RGSL1: variants seen among roughly 807,000 people sequenced by gnomAD.
RGSL1 encodes the protein regulator of G protein signaling like 1, also known as regulator of G protein signaling protein-like.
Under a neutral mutation model 124.7 loss-of-function variants are expected in RGSL1, and 97 were observed. That is an observed-to-expected ratio of 0.78 (90% CI 0.66 to 0.92). The LOEUF is 0.92. RGSL1 is among the 40% of genes least tolerant of loss of function. The pLI is 0.00. For synonymous variants in RGSL1, 424 were observed against 438.1 expected (o/e 0.97, Z 0.40); for missense variants, 1,233 against 1,288.4 (o/e 0.96, Z 0.66).
chr1:182,511,921 C>T (rs942484761), intron 9 of RGSL1, among the ~76,000 whole-genome samples: 3 of 151,948 alleles, frequency 2.0e-5, no homozygotes, highest in Non-Finnish European at 4.4e-5. Flanking sequence ...CTTTCATCAG[C>T]GTTTTGTAAT....
chr1:182,526,845 C>G (rs1658786243), intron 10 of RGSL1, among the ~76,000 whole-genome samples: 1 of 152,058 alleles, frequency 6.6e-6, no homozygotes, highest in Non-Finnish European at 1.5e-5. Flanking sequence ...CTATCTCATT[C>G]TGATAAAGGG....
intron 15 of RGSL1, among the ~76,000 whole-genome samples, chr1:182,546,122 T>C (rs1199472255): frequency 9.2e-5 from 14 of 152,166 alleles, no homozygotes; most frequent in African/African-American, 3.4e-4. Flanking sequence ...TTTACTTTTT[T>C]CTCCTCTGTC....
At chr1:182,484,941 G>A (rs1339098386) in intron 6 of RGSL1, among the ~76,000 whole-genome samples, 2 of 152,092 alleles carry the variant, frequency 1.3e-5, no homozygotes, top group Non-Finnish European at 2.9e-5. Flanking sequence ...GCTTGCCCCT[G>A]GAGCAAGACA....
rs938083574 is a variant in RGSL1 at position 182,540,339 on chromosome 1, G to A, written c.2587G>A (p.Val863Ile). ...ADQENGEITL[V>I]KRRIFGHRII... ...CCAAGAGAATGGAGAAATAACCCTT[G>A]TAAAGCGTCGTATATTTGGCCACAG... Residue 863 changes from valine (V) to isoleucine (I), a missense_variant, in exon 15 of 22, where the codon GTA becomes ATA. By Grantham distance (29) the Val-to-Ile change is conservative. Transcript: ENST00000294854. 14 of 1,551,386 alleles carry A rather than the reference G, an allele frequency of 9.0e-6. No homozygotes were observed. The Admixed American group carries it at 2.5e-4, about 28-fold the overall frequency.
intron 6 of RGSL1, among the ~76,000 whole-genome samples, chr1:182,484,390 C>T (rs1654934520): frequency 6.6e-6 from 1 of 152,126 alleles, no homozygotes; most frequent in Admixed American, 6.6e-5. Context: ...TATGTGACCG[C>T]TCTTCTGGGA....
chr1:182,546,693 C>G (rs1052545451), intron 15 of RGSL1, among the ~76,000 whole-genome samples: 1 of 152,212 alleles, frequency 6.6e-6, no homozygotes, highest in Non-Finnish European at 1.5e-5. Context: ...ACCCAGCCAA[C>G]AACACTTTTT....
intron 2 of RGSL1, among the ~76,000 whole-genome samples, chr1:182,456,931 G>C (rs1052510131): frequency 6.6e-6 from 1 of 152,158 alleles, no homozygotes; most frequent in Non-Finnish European, 1.5e-5. Flanking sequence ...CAGATCACTT[G>C]AGGTCAAGAG....
In RGSL1 at chr1:182,524,167, G is replaced by A. The variant is rs116834979; in HGVS notation, c.1931+2058G>A. Among the ~76,000 whole-genome samples the A allele has an allele frequency of 5.7e-3, 873 of 152,324 alleles. 8 individuals carry two copies. Among genetic ancestry groups the A allele is most frequent in the African/African-American group, 0.02 (844 of 41,574 alleles). Reference sequence around the variant, plus strand: ...AATAATTAGAAAAAGGTATTGGGTAGATTATTAAGGAATTCGCATTGATTA... The same window carrying A: ...AATAATTAGAAAAAGGTATTGGGTAAATTATTAAGGAATTCGCATTGATTA... On this transcript the variant is annotated intron_variant, in intron 10 of 21. Transcript: ENST00000294854.
chr1:182,513,925 G>A (rs952072091), intron 9 of RGSL1, among the ~76,000 whole-genome samples: 11 of 138,670 alleles, frequency 7.9e-5, no homozygotes, highest in Admixed American at 4.6e-4. Context: ...AGACAGTCTC[G>A]CTCTGTTGCT....
At chr1:182,480,465 T>G (rs1303711434) in intron 6 of RGSL1, among the ~76,000 whole-genome samples, 3 of 151,942 alleles carry the variant, frequency 2.0e-5, no homozygotes, top group East Asian at 3.9e-4. Flanking sequence ...TACAAGTTTT[T>G]TTTTTTTTTT....
intron 9 of RGSL1, among the ~76,000 whole-genome samples, chr1:182,494,461 T>A (rs902938059): frequency 6.6e-6 from 1 of 152,204 alleles, no homozygotes; most frequent in Non-Finnish European, 1.5e-5. Context: ...ATAAAACACA[T>A]TGTTAAAATT....
chr1:182,506,983 C>T lies in RGSL1; in HGVS notation c.1825+13854C>T, dbSNP rs201062954. ...TGCTATATTCACCCTGCTCACCTTT[C>T]TTTTTTTTTTTTTTTTTTTTTTTGT... On this transcript the variant is annotated intron_variant, in intron 9 of 21. Coordinates refer to ENST00000294854, the MANE Select transcript of RGSL1 (RefSeq NM_001137669.2). Among the ~76,000 whole-genome samples the T allele has an allele frequency of 3.8e-4, 38 of 99,400 alleles. No homozygotes were observed. In the East Asian group the frequency reaches 8.2e-3, roughly 21 times the overall value. 65.2% of individuals were successfully genotyped at this position (99,400 alleles called of 152,430 possible).
intron 14 of RGSL1, among the ~76,000 whole-genome samples, chr1:182,533,474 T>C (rs371378696): frequency 2.0e-5 from 3 of 151,624 alleles, no homozygotes; most frequent in East Asian, 1.9e-4. Context: ...AGGCAAGCAG[T>C]TTGCCAGGTG....
chr1:182,460,440 G>A (rs1306282548), intron 4 of RGSL1, among the ~76,000 whole-genome samples: 1 of 152,172 alleles, frequency 6.6e-6, no homozygotes. Flanking sequence ...TTATCTCACT[G>A]TAGCCAGAAA....
rs745700032 is a variant in RGSL1, at chr1:182,556,063, C to G, written c.*6C>G. 1 of 1,551,210 alleles carries G rather than the reference C, an allele frequency of 6.4e-7. No individual in the cohort carries two copies. The highest frequency in any genetic ancestry group is 8.7e-7 in the Non-Finnish European group (1 of 1,146,564). On this transcript the variant is annotated 3_prime_UTR_variant, in exon 21 of 22. Transcript: ENST00000294854. ...ACATCAAAAAAGAGAAGTAATCAAG[C>G]GAGACCCCCAGCAGAGATAAATCAT...
At chr1:182,521,214 T>G (rs1658309181) in intron 9 of RGSL1, among the ~76,000 whole-genome samples, 1 of 152,092 alleles carries the variant, frequency 6.6e-6, no homozygotes, top group Non-Finnish European at 1.5e-5. Flanking sequence ...GGACCACAGG[T>G]GCATACTACC....
At chr1:182,470,660 G>A (rs1223852650) in intron 4 of RGSL1, among the ~76,000 whole-genome samples, 2 of 151,858 alleles carry the variant, frequency 1.3e-5, no homozygotes, top group African/African-American at 4.8e-5. Flanking sequence ...TATGCTTATT[G>A]TGTGCCTGTC....
At chr1:182,483,768 G>A (rs537307236) in intron 6 of RGSL1, among the ~76,000 whole-genome samples, 1 of 152,246 alleles carries the variant, frequency 6.6e-6, no homozygotes, top group African/African-American at 2.4e-5. Context: ...TTCACTTTAT[G>A]TGGAATGGTT....
chr1:182,460,176 G>C (rs1290567635), intron 4 of RGSL1, 43 bp downstream of exon 4: 2 of 1,519,866 alleles, frequency 1.3e-6, no homozygotes, highest in South Asian at 2.5e-5. Context: ...GTGTGTGTGT[G>C]TGTGTGTGTA....
Sources: gnomAD v4.1 joint callset for allele counts (sites outside exome capture counted in the v4.1 genomes callset) on GRCh38, gnomAD v4.1.1 for gene constraint, MANE v1.5 for transcripts, NCBI Gene and HGNC (gene_info 2026-07-23, HGNC 2026-07-21) for gene names.